SOX5: variants seen among roughly 807,000 people sequenced by gnomAD.
SOX5 encodes the protein SRY-box transcription factor 5, also known as transcription factor SOX-5.
A neutral mutation model predicts 92.0 loss-of-function variants in SOX5; 9 were observed. That is an observed-to-expected ratio of 0.10 (90% CI 0.06 to 0.17). The LOEUF (loss-of-function observed/expected upper bound fraction) is 0.17. SOX5 is among the 10% of genes least tolerant of loss of function. The pLI is 1.00. For synonymous variants in SOX5, 344 were observed against 336.3 expected, an observed-to-expected ratio of 1.02 and a Z score of -0.25; for missense variants, 642 against 944.5, an observed-to-expected ratio of 0.68 and a Z score of 4.20.
chr12:23,862,954 G>A (rs564863620), intron 2 of SOX5, among the ~76,000 whole-genome samples: 38 of 152,252 alleles, frequency 2.5e-4, no homozygotes, highest in Non-Finnish European at 2.2e-4. Context: ...AAGGAAACAG[G>A]GATGTCAATA....
At chr12:24,510,824 G>A (rs1204118116) in intron 1 of SOX5, among the ~76,000 whole-genome samples, 1 of 152,190 alleles carries the variant, frequency 6.6e-6, no homozygotes, top group Non-Finnish European at 1.5e-5. Context: ...TTACACACAT[G>A]AATCTAGATC....
intron 1 of SOX5, among the ~76,000 whole-genome samples, chr12:24,394,218 T>C (rs1378556869): frequency 6.6e-6 from 1 of 152,134 alleles, no homozygotes; most frequent in Non-Finnish European, 1.5e-5. Flanking sequence ...GGCCATCCCA[T>C]GAGAAGGCGA....
chr12:23,845,578 C>G (rs904423558), intron 3 of SOX5, among the ~76,000 whole-genome samples: 1 of 151,732 alleles, frequency 6.6e-6, no homozygotes, highest in African/African-American at 2.4e-5. Flanking sequence ...ATACAAGAAA[C>G]AGGATAAGAT....
chr12:23,564,902 C>T (rs940551133), intron 10 of SOX5, among the ~76,000 whole-genome samples: 10 of 152,050 alleles, frequency 6.6e-5, no homozygotes, highest in East Asian at 3.8e-4. Context: ...TTGAAGAAAC[C>T]GATGTCAGAA....
rs1257352327 is a variant in SOX5, at chr12:24,266,044, G to C, written c.-77+11172C>G. Among the ~76,000 whole-genome samples, 4 of 57,572 alleles carry C rather than the reference G, an allele frequency of 6.9e-5. No individual in the cohort carries two copies. In the South Asian group the frequency reaches 2.2e-3, roughly 32 times the overall value. 37.8% of individuals were successfully genotyped at this position (57,572 alleles called of 152,430 possible). On this transcript the variant is annotated intron_variant, in intron 3 of 4. Coordinates refer to the SOX5 transcript ENST00000446891. ...CCATCATGCCAGCTAATGTGTGTGTGTGTGTGTGTGTGTGTGTGTGTGTGT... is the reference window on the plus strand; with the variant it reads ...CCATCATGCCAGCTAATGTGTGTGTCTGTGTGTGTGTGTGTGTGTGTGTGT...
intron 1 of SOX5, among the ~76,000 whole-genome samples, chr12:24,400,635 C>T (rs891052280): frequency 6.6e-6 from 1 of 152,266 alleles, no homozygotes; most frequent in African/African-American, 2.4e-5. Flanking sequence ...GTTTCTCTTC[C>T]CGAGTCTCCT....
chr12:23,915,288 T>C (rs1167955002), intron 1 of SOX5, among the ~76,000 whole-genome samples: 1 of 152,152 alleles, frequency 6.6e-6, no homozygotes, highest in Non-Finnish European at 1.5e-5. Context: ...TTAAACCACT[T>C]AGCTCTAAAC....
At chr12:24,066,850 G>A (rs563580594) in intron 4 of SOX5, among the ~76,000 whole-genome samples, 1 of 152,182 alleles carries the variant, frequency 6.6e-6, no homozygotes, top group Non-Finnish European at 1.5e-5. Context: ...CCAACAAGAT[G>A]AACACAGGTG....
intron 3 of SOX5, among the ~76,000 whole-genome samples, chr12:23,839,535 C>G (rs1207719167): frequency 6.6e-6 from 1 of 152,046 alleles, no homozygotes; most frequent in Non-Finnish European, 1.5e-5. Context: ...CAGATAAAGA[C>G]ATTACATAAA....
intron 1 of SOX5, among the ~76,000 whole-genome samples, chr12:24,467,769 TG>T (rs535729699): frequency 1.3e-4 from 20 of 152,224 alleles, no homozygotes; most frequent in African/African-American, 4.8e-4. Flanking sequence ...AAGTTTGTCC[TG>T]GGGGGTGGAT....
chr12:24,265,656 A>G (rs1437739312), intron 3 of SOX5, among the ~76,000 whole-genome samples: 1 of 152,254 alleles, frequency 6.6e-6, no homozygotes, highest in African/African-American at 2.4e-5. Flanking sequence ...AAAGAAATGT[A>G]GCTGAAACAT....
chr12:24,246,777 G>A (rs1237364994), intron 3 of SOX5, among the ~76,000 whole-genome samples: 1 of 151,974 alleles, frequency 6.6e-6, no homozygotes, highest in African/African-American at 2.4e-5. Context: ...GCTTTCCTGG[G>A]GTTGATACTG....
At chr12:23,539,913 G>A (rs543670124) in intron 13 of SOX5, among the ~76,000 whole-genome samples, 10 of 152,190 alleles carry the variant, frequency 6.6e-5, no homozygotes, top group East Asian at 1.9e-4. Context: ...TTTCCATTTG[G>A]TGGTAAATCC....
intron 9 of SOX5, among the ~76,000 whole-genome samples, chr12:23,577,150 TACACACAC>T (rs1197912028): frequency 6.8e-5 from 8 of 117,596 alleles, no homozygotes; most frequent in African/African-American, 2.6e-4. Context: ...TATATATATA[TACACACAC>T]ACACACACAC....
intron 12 of SOX5, among the ~76,000 whole-genome samples, chr12:23,544,182 A>G (rs1297519264): frequency 6.6e-6 from 1 of 152,226 alleles, no homozygotes; most frequent in African/African-American, 2.4e-5. Flanking sequence ...TCAATCAGTA[A>G]GATTCACAGA....
chr12:24,306,050 G>C (rs1948528188), intron 2 of SOX5, among the ~76,000 whole-genome samples: 1 of 152,186 alleles, frequency 6.6e-6, no homozygotes. Context: ...GATCTGACCT[G>C]TTTTGAACAG....
chr12:24,354,398 T>G (rs1469605869), intron 2 of SOX5, among the ~76,000 whole-genome samples: 1 of 152,184 alleles, frequency 6.6e-6, no homozygotes, highest in Admixed American at 6.5e-5. Context: ...ATAAGGGAGA[T>G]CATATGGGGC....
chr12:24,549,185 T>C (rs1952924194), intron 1 of SOX5, among the ~76,000 whole-genome samples: 2 of 152,180 alleles, frequency 1.3e-5, no homozygotes, highest in Non-Finnish European at 2.9e-5. Context: ...CTCAAATACA[T>C]CAGAAACTTC....
chr12:24,490,090 C>CA (rs759082089), intron 1 of SOX5, among the ~76,000 whole-genome samples: 29 of 152,350 alleles, frequency 1.9e-4, no homozygotes, highest in East Asian at 1.2e-3. Flanking sequence ...TTCATACATT[C>CA]AGCGCACTGC....
Sources: allele counts gnomAD v4.1 joint callset (sites outside exome capture counted in the v4.1 genomes callset), GRCh38; gene constraint gnomAD v4.1.1; transcripts MANE v1.5; gene names NCBI Gene and HGNC (gene_info 2026-07-23, HGNC 2026-07-21).